TSPAN11: variants seen among roughly 807,000 people sequenced by gnomAD.
The protein encoded by TSPAN11 is tetraspanin-11.
Under a neutral mutation model 32.9 loss-of-function variants are expected in TSPAN11, and 29 were observed. The observed-to-expected ratio is 0.88, with a 90% confidence interval of 0.66 to 1.20. TSPAN11 has a LOEUF of 1.20. Ranked by LOEUF, TSPAN11 falls within the 50% of genes most tolerant of loss-of-function variation. The probability of loss-of-function intolerance (pLI) is 0.00; values close to 1 mark genes in which losing one functional copy is unlikely to be tolerated. For synonymous variants in TSPAN11, 140 were observed against 141.3 expected (o/e 0.99, Z 0.07); for missense variants, 283 against 329.1 (o/e 0.86, Z 1.08).
chr12:30,940,925 C>G (rs1455373676), intron 1 of TSPAN11, among the ~76,000 whole-genome samples: 1 of 152,170 alleles, frequency 6.6e-6, no homozygotes, highest in Non-Finnish European at 1.5e-5. Flanking sequence ...TGTGAGAGAT[C>G]TCAGTTGCAC....
chr12:30,934,112 C>T (rs1044003568), intron 1 of TSPAN11, among the ~76,000 whole-genome samples: 5 of 152,244 alleles, frequency 3.3e-5, no homozygotes, highest in African/African-American at 9.6e-5. Flanking sequence ...GATTACCCAA[C>T]TCTCTAGCCT....
intron 2 of TSPAN11, among the ~76,000 whole-genome samples, chr12:30,958,087 G>A (rs1250540056): frequency 6.6e-6 from 1 of 152,038 alleles, no homozygotes; most frequent in Non-Finnish European, 1.5e-5. Flanking sequence ...CAGCTCCAAG[G>A]AAGGTTTCCT....
chr12:31,006,147 A>G, the TSPAN11 span: 1 of 152,370 alleles, frequency 6.6e-6, no homozygotes, highest in African/African-American at 2.4e-5. Flanking sequence ...ATTCAGGAAA[A>G]TTCCCTTTCA....
chr12:31,000,893 A>C (rs1939471544), downstream of TSPAN11, among the ~76,000 whole-genome samples: 1 of 152,236 alleles, frequency 6.6e-6, no homozygotes, highest in Non-Finnish European at 1.5e-5. Context: ...CTGGATGAAT[A>C]GCAAAAATGC....
chr12:30,990,142 G>T (rs1939282550), intron 7 of TSPAN11, among the ~76,000 whole-genome samples: 2 of 152,054 alleles, frequency 1.3e-5, no homozygotes. Flanking sequence ...GTTCACGTGT[G>T]TGTGTGTGTG....
At chr12:31,001,670 T>C in the TSPAN11 span, among the ~76,000 whole-genome samples, 2 of 152,152 alleles carry the variant, frequency 1.3e-5, no homozygotes, top group Non-Finnish European at 2.9e-5. Context: ...CCTTTCTCAA[T>C]TGTGCTTTGC....
intron 1 of TSPAN11, among the ~76,000 whole-genome samples, chr12:30,940,691 T>C (rs1194164433): frequency 3.9e-5 from 6 of 152,176 alleles, no homozygotes; most frequent in Non-Finnish European, 8.8e-5. Context: ...TTCTGTAACA[T>C]GCGGACAATG....
intron 2 of TSPAN11, among the ~76,000 whole-genome samples, chr12:30,959,838 CA>C (rs1403119664): frequency 1.3e-5 from 2 of 149,594 alleles, no homozygotes; most frequent in Admixed American, 6.7e-5. Flanking sequence ...AAGATGATGC[CA>C]AAAAGTCAGG....
the TSPAN11 span, among the ~76,000 whole-genome samples, chr12:31,005,245 T>C: frequency 6.6e-6 from 1 of 152,278 alleles, no homozygotes; most frequent in Non-Finnish European, 1.5e-5. Context: ...GAACAATTAA[T>C]CACAGTAAAA....
In TSPAN11 at chr12:30,975,876, G is replaced by A. The variant is rs1214543529; in HGVS notation, c.277-2685G>A. Among the ~76,000 whole-genome samples, 1 of 152,188 alleles carries A rather than the reference G, an allele frequency of 6.6e-6. No homozygotes were observed. The highest frequency in any genetic ancestry group is 1.5e-5 in the Non-Finnish European group (1 of 68,034). On this transcript the variant is annotated intron_variant, in intron 3 of 7. Transcript: ENST00000546076. The surrounding 1 kb of genome is among the most constrained non-coding windows in gnomAD (Gnocchi z 4.5). ...CACCTCTTCCTCCCATGCCCCAGAG[G>A]TCTCTGGGAGCCACTGGCATCAATG...
chr12:30,929,946 G>T (rs1937884622), intron 1 of TSPAN11, among the ~76,000 whole-genome samples: 1 of 152,216 alleles, frequency 6.6e-6, no homozygotes, highest in Non-Finnish European at 1.5e-5. Context: ...GCCCCATAGG[G>T]GGAGCATTAA....
rs184583074 is a variant in TSPAN11, at chr12:30,932,265, A to G, written c.-12+5469A>G. 3.3e-5 allele frequency among the ~76,000 whole-genome samples: 5 copies of G among 152,364 alleles called. No individual in the cohort carries two copies. The East Asian group carries it at 9.6e-4, about 29-fold the overall frequency. On this transcript the variant is annotated intron_variant, in intron 1 of 7. Transcript: ENST00000546076. ...CTATTTAATGATATTCTAAGTAAAG[A>G]AAAATTAAAATTTTAAATTATTAGT...
chr12:30,984,231 G>A (rs1939154994), intron 7 of TSPAN11, among the ~76,000 whole-genome samples: 1 of 152,230 alleles, frequency 6.6e-6, no homozygotes, highest in Non-Finnish European at 1.5e-5. Flanking sequence ...AGAAGGGGAG[G>A]AGCAGAGGCT....
At chr12:30,983,825 T>C (rs61693352) in intron 7 of TSPAN11, among the ~76,000 whole-genome samples, 1 of 152,144 alleles carries the variant, frequency 6.6e-6, no homozygotes, top group South Asian at 2.1e-4. Context: ...AGGTATTATA[T>C]AGGGGAGAAT....
At chr12:30,976,368 T>G (rs1207683346) in intron 3 of TSPAN11, among the ~76,000 whole-genome samples, 1 of 152,142 alleles carries the variant, frequency 6.6e-6, no homozygotes, top group Non-Finnish European at 1.5e-5. Flanking sequence ...AGCCACGTTT[T>G]TCTAATTTGC....
Position 30,978,656 on chromosome 12 carries a change from C to T in TSPAN11, c.351+21C>T, listed in dbSNP as rs749633774. ...AGAGGGTAAGTGACGTTTCCTCCTCCTGCATCCTCTGTCAGTGTCCTGAAG... is the reference window on the plus strand; with the variant it reads ...AGAGGGTAAGTGACGTTTCCTCCTCTTGCATCCTCTGTCAGTGTCCTGAAG... On this transcript the variant is annotated intron_variant, in intron 4 of 7. Coordinates refer to ENST00000546076, the MANE Select transcript of TSPAN11 (RefSeq NM_001370302.1). 4 of 1,611,878 alleles carry T rather than the reference C, an allele frequency of 2.5e-6. No individual in the cohort carries two copies. In the South Asian group the frequency reaches 3.3e-5, roughly 13 times the overall value.
chr12:30,943,643 C>A (rs1938210883), intron 1 of TSPAN11, among the ~76,000 whole-genome samples: 1 of 152,186 alleles, frequency 6.6e-6, no homozygotes, highest in African/African-American at 2.4e-5. Flanking sequence ...GTTCCCCCAC[C>A]CCAAGCTCCA....
chr12:30,963,474 G>T (rs1938655580), intron 2 of TSPAN11, among the ~76,000 whole-genome samples: 1 of 152,214 alleles, frequency 6.6e-6, no homozygotes. Flanking sequence ...GAGTTGGGGA[G>T]GTGAAAAGTT....
intron 2 of TSPAN11, among the ~76,000 whole-genome samples, chr12:30,958,708 A>G (rs999388180): frequency 1.3e-5 from 2 of 152,090 alleles, no homozygotes; most frequent in African/African-American, 4.8e-5. Flanking sequence ...TCTCCGTCAT[A>G]GCAGAAGTCA....
Sources: allele counts gnomAD v4.1 joint callset (sites outside exome capture counted in the v4.1 genomes callset), GRCh38; gene constraint gnomAD v4.1.1; non-coding constraint Gnocchi (gnomAD v3.1); transcripts MANE v1.5; gene names NCBI Gene and HGNC (gene_info 2026-07-23, HGNC 2026-07-21).